Variants in NAV2 observed in about 807,000 individuals in gnomAD.
The protein encoded by NAV2 is neuron navigator 2.
In NAV2, 54 loss-of-function variants were observed where a neutral mutation model predicts 223.2. The observed-to-expected ratio is 0.24, with a 90% CI of 0.19 to 0.30. The LOEUF (loss-of-function observed/expected upper bound fraction) is 0.30, where lower values mean the gene tolerates loss of function less well. Ranked by LOEUF, NAV2 falls within the 10% of genes least tolerant of loss-of-function variation. NAV2 has a pLI of 1.00. For synonymous variants in NAV2, 1,279 were observed against 1,239.3 expected (o/e 1.03, Z -0.67); for missense variants, 2,806 against 3,147.5 (o/e 0.89, Z 2.60).
At chr11:20,077,451 G>A (rs1273525151) in intron 22 of NAV2, 101 bp from the exon 23 acceptor site, 1 of 858,218 alleles carries the variant, frequency 1.2e-6, no homozygotes, top group Admixed American at 2.0e-5. Flanking sequence ...AAGTAGCCTA[G>A]ATCAATGGAC....
chr11:19,443,552 T>A (rs1851478620), intron 1 of NAV2, among the ~76,000 whole-genome samples: 1 of 152,216 alleles, frequency 6.6e-6, no homozygotes, highest in Non-Finnish European at 1.5e-5. Context: ...GGTAAAGCAG[T>A]GGCCAGCACA....
intron 1 of NAV2, among the ~76,000 whole-genome samples, chr11:19,611,052 C>CT (rs2046627858): frequency 6.6e-6 from 1 of 152,184 alleles, no homozygotes; most frequent in African/African-American, 2.4e-5. Flanking sequence ...TTCCACATGG[C>CT]TAGGGAAGCC....
chr11:19,775,517 T>C (rs1238300782), intron 1 of NAV2, among the ~76,000 whole-genome samples: 1 of 152,196 alleles, frequency 6.6e-6, no homozygotes, highest in African/African-American at 2.4e-5. Context: ...GGCCACACAT[T>C]GTTCTGGGTA....
intron 1 of NAV2, among the ~76,000 whole-genome samples, chr11:19,643,883 T>G (rs1313327293): frequency 6.6e-6 from 1 of 152,236 alleles, no homozygotes; most frequent in East Asian, 1.9e-4. Context: ...GGTATCTCAT[T>G]GTGGTTTTGA....
At chr11:19,825,616 T>G (rs1728361460) in intron 1 of NAV2, among the ~76,000 whole-genome samples, 1 of 152,212 alleles carries the variant, frequency 6.6e-6, no homozygotes. Flanking sequence ...TTCAGTGCAG[T>G]TGTTTTGCAG....
At chr11:19,829,780 T>C (rs1410136036) in intron 1 of NAV2, among the ~76,000 whole-genome samples, 1 of 152,176 alleles carries the variant, frequency 6.6e-6, no homozygotes, top group African/African-American at 2.4e-5. Flanking sequence ...CACTTCCATA[T>C]AGTCCCACTC....
intron 1 of NAV2, among the ~76,000 whole-genome samples, chr11:19,827,658 G>A (rs1422179492): frequency 6.6e-6 from 1 of 152,178 alleles, no homozygotes; most frequent in East Asian, 1.9e-4. Flanking sequence ...ACAGATGGAT[G>A]ATAAGGCTGC....
At chr11:19,690,233 A>T (rs906722752) in intron 1 of NAV2, among the ~76,000 whole-genome samples, 5 of 152,176 alleles carry the variant, frequency 3.3e-5, no homozygotes, top group Admixed American at 1.3e-4. Flanking sequence ...AAGTGCTGGA[A>T]TTACAGGTGT....
intron 6 of NAV2, among the ~76,000 whole-genome samples, chr11:19,908,857 T>C (rs2043086319): frequency 6.6e-6 from 1 of 151,950 alleles, no homozygotes; most frequent in Admixed American, 6.6e-5. Context: ...TTGCTAGGGC[T>C]GTGGGGTGGG....
At chr11:19,357,621 G>A (rs921667952) in intron 1 of NAV2, among the ~76,000 whole-genome samples, 2 of 152,154 alleles carry the variant, frequency 1.3e-5, no homozygotes, top group Non-Finnish European at 2.9e-5. Flanking sequence ...GTGGGTGGCT[G>A]CTGCTACTGC....
chr11:19,982,244 T>C (rs2153450340), intron 10 of NAV2, among the ~76,000 whole-genome samples: 1 of 3,954 alleles, frequency 2.5e-4, no homozygotes, highest in South Asian at 0.062. Flanking sequence ...GGTTTTCTTT[T>C]TTGTTTTGTT....
intron 3 of NAV2, among the ~76,000 whole-genome samples, chr11:19,851,839 A>G (rs182893575): frequency 3.0e-4 from 46 of 152,354 alleles, no homozygotes; most frequent in Admixed American, 2.7e-3. Context: ...GGATTTTGAG[A>G]TGGGATAATG....
intron 3 of NAV2, among the ~76,000 whole-genome samples, chr11:19,860,140 C>CCCTT (rs2061649879): frequency 6.9e-6 from 1 of 145,380 alleles, no homozygotes; most frequent in African/African-American, 2.6e-5. Context: ...CCCCTCACCT[C>CCCTT]CCGGACGGGG....
intron 1 of NAV2, among the ~76,000 whole-genome samples, chr11:19,487,040 C>T (rs1304198935): frequency 6.6e-6 from 1 of 152,090 alleles, no homozygotes; most frequent in African/African-American, 2.4e-5. Flanking sequence ...GGCTAAAGAC[C>T]AAAGAATAGG....
chr11:20,044,434 G>A (rs1219917418), intron 13 of NAV2, 162 bp downstream of exon 13: 22 of 689,756 alleles, frequency 3.2e-5, no homozygotes, highest in Non-Finnish European at 4.9e-5. Context: ...TTTCTAAGTG[G>A]AAATAAGTAA....
chr11:19,389,857 G>A (rs192957618), intron 1 of NAV2, among the ~76,000 whole-genome samples: 1 of 152,162 alleles, frequency 6.6e-6, no homozygotes. Context: ...CATGGTGAAG[G>A]ACTGGCCAGG....
chr11:19,719,716 C>A (rs1565202600), intron 1 of NAV2, among the ~76,000 whole-genome samples: 1 of 152,206 alleles, frequency 6.6e-6, no homozygotes, highest in Non-Finnish European at 1.5e-5. Context: ...CGGCTTGCAC[C>A]ATGAAAGTGG....
chr11:19,686,719 G>A (rs542458227), intron 1 of NAV2, among the ~76,000 whole-genome samples: 38 of 152,226 alleles, frequency 2.5e-4, no homozygotes, highest in Admixed American at 1.3e-3. Flanking sequence ...TCCTAGACTC[G>A]AGGAGGCCCG....
At chr11:19,706,984 G>A (rs1347819290) in intron 1 of NAV2, among the ~76,000 whole-genome samples, 1 of 152,134 alleles carries the variant, frequency 6.6e-6, no homozygotes, top group East Asian at 1.9e-4. Context: ...CAACACAATG[G>A]TATTTGTGTA....
Sources: gnomAD v4.1 joint callset for allele counts (sites outside exome capture counted in the v4.1 genomes callset) on GRCh38, gnomAD v4.1.1 for gene constraint, MANE v1.5 for transcripts, NCBI Gene and HGNC (gene_info 2026-07-23, HGNC 2026-07-21) for gene names.